SLC13A3: variants seen among roughly 807,000 people sequenced by gnomAD.
The protein encoded by SLC13A3 is Na(+)/dicarboxylate cotransporter 3.
A neutral mutation model predicts 59.0 loss-of-function variants in SLC13A3; 40 were observed. The ratio of observed to expected loss-of-function variants is 0.68; its 90% CI spans 0.53 to 0.88. SLC13A3 has a LOEUF of 0.88. Ranked by LOEUF, SLC13A3 falls within the 40% of genes least tolerant of loss-of-function variation. SLC13A3 has a pLI of 0.00. For synonymous variants in SLC13A3, 317 were observed against 330.3 expected, an observed-to-expected ratio of 0.96 and a Z score of 0.44; for missense variants, 699 against 783.2, an observed-to-expected ratio of 0.89 and a Z score of 1.28.
At chr20:46,603,364 T>A (rs1040087107) in intron 3 of SLC13A3, among the ~76,000 whole-genome samples, 1 of 152,008 alleles carries the variant, frequency 6.6e-6, no homozygotes, top group African/African-American at 2.4e-5. Flanking sequence ...AAACTTTTAT[T>A]TGGGGGACAT....
upstream of SLC13A3, among the ~76,000 whole-genome samples, chr20:46,655,168 ACC>A (rs2062975542): frequency 2.7e-5 from 4 of 150,582 alleles, no homozygotes; most frequent in South Asian, 8.4e-4. Context: ...TCCTTGGTTT[ACC>A]CTAGCAATAT....
intron 1 of SLC13A3, among the ~76,000 whole-genome samples, chr20:46,617,469 C>CA (rs925889277): frequency 1.6e-4 from 24 of 151,034 alleles, no homozygotes; most frequent in South Asian, 6.3e-4. Context: ...AAAAACCAAA[C>CA]AAAAAAAAAC....
intron 10 of SLC13A3, 117 bp from the exon 11 acceptor site, chr20:46,566,507 G>A: frequency 8.8e-7 from 1 of 1,141,246 alleles, no homozygotes; most frequent in Non-Finnish European, 1.2e-6. Flanking sequence ...TGGGGAGACT[G>A]AGGTGCAGAG....
rs77642674 is a variant in SLC13A3, at chr20:46,665,265, C to CA, written c.-31+4777dup. On this transcript the variant is annotated intron_variant, in intron 1 of 12. Coordinates refer to the SLC13A3 transcript ENST00000290317. ...TGGGCAATAGAATGAGACACTGTCT[C>CA]AAAAAAAAAAAAAAGTATGTGTAAT... Among the ~76,000 whole-genome samples the CA allele has an allele frequency of 0.016, 2,071 of 126,344 alleles. 92 individuals are homozygous for CA. The East Asian group carries it at 0.19, about 11-fold the overall frequency. The allele number at this position is 126,344 out of a possible 152,430, so 82.9% of individuals were successfully genotyped here. A position where few individuals can be genotyped will look rare whatever the true frequency, so the allele number is the denominator to read the frequency against.
At chr20:46,678,717 A>C (rs1001449679) in intron 1 of SLC13A3, among the ~76,000 whole-genome samples, 1 of 152,204 alleles carries the variant, frequency 6.6e-6, no homozygotes, top group Non-Finnish European at 1.5e-5. Context: ...TTGCTCTTGT[A>C]TCTTATTGGC....
intron 10 of SLC13A3, among the ~76,000 whole-genome samples, chr20:46,574,969 CA>C (rs1223634733): frequency 3.5e-4 from 50 of 143,884 alleles, no homozygotes; most frequent in East Asian, 8.0e-4. Context: ...CCCATCTCTA[CA>C]AAAAAAAAAT....
At chr20:46,566,474 T>G in intron 10 of SLC13A3, 84 bp from the exon 11 acceptor site, 2 of 1,463,060 alleles carry the variant, frequency 1.4e-6, no homozygotes, top group Non-Finnish European at 1.9e-6. Context: ...ATCACAACAA[T>G]GACGACCATA....
intron 1 of SLC13A3, among the ~76,000 whole-genome samples, chr20:46,641,195 G>A (rs980731947): frequency 2.6e-5 from 4 of 152,110 alleles, no homozygotes; most frequent in East Asian, 1.9e-4. Flanking sequence ...CAAACGTTAC[G>A]CAAACCAGGA....
chr20:46,572,986 C>G (rs965281369), intron 10 of SLC13A3, among the ~76,000 whole-genome samples: 40 of 152,118 alleles, frequency 2.6e-4, no homozygotes, highest in African/African-American at 9.7e-4. Flanking sequence ...GACATGAGTT[C>G]AAATCTTACC....
chr20:46,600,365 A>G (rs969560249), intron 3 of SLC13A3, among the ~76,000 whole-genome samples: 21 of 146,500 alleles, frequency 1.4e-4, no homozygotes, highest in Non-Finnish European at 9.1e-5. Flanking sequence ...GAAAGGAAAG[A>G]AAAGGAAGGG....
Position 46,635,554 on chromosome 20 carries a change from C to T in SLC13A3, c.111+15757G>A, listed in dbSNP as rs542185070. 2.6e-5 allele frequency among the ~76,000 whole-genome samples: 4 copies of T among 152,320 alleles called. No homozygotes were observed. The East Asian group carries it at 7.7e-4, about 29-fold the overall frequency. On this transcript the variant is annotated intron_variant, in intron 1 of 12. Transcript: ENST00000279027. ...GGACACCTTCCGGACTCTACAATTGCACTACTCTCATCCCCAACTCCCTCC... is the reference window on the plus strand; with the variant it reads ...GGACACCTTCCGGACTCTACAATTGTACTACTCTCATCCCCAACTCCCTCC...
upstream of SLC13A3, among the ~76,000 whole-genome samples, chr20:46,651,935 C>A (rs190372005): frequency 6.6e-6 from 1 of 152,218 alleles, no homozygotes; most frequent in South Asian, 2.1e-4. Context: ...ATGTTTTTTG[C>A]GGGAACATGG....
At chr20:46,620,395 G>A (rs997912135) in intron 1 of SLC13A3, among the ~76,000 whole-genome samples, 1 of 152,176 alleles carries the variant, frequency 6.6e-6, no homozygotes, top group Admixed American at 6.5e-5. Flanking sequence ...ATTATCACAT[G>A]TCTGAACAGA....
intron 1 of SLC13A3, among the ~76,000 whole-genome samples, chr20:46,634,452 G>A (rs2062775519): frequency 6.6e-6 from 1 of 152,090 alleles, no homozygotes; most frequent in Non-Finnish European, 1.5e-5. Flanking sequence ...GGCCATCTGT[G>A]TCCATCTGGG....
chr20:46,636,788 C>T (rs1384154859), intron 1 of SLC13A3, among the ~76,000 whole-genome samples: 1 of 146,800 alleles, frequency 6.8e-6, no homozygotes, highest in African/African-American at 2.6e-5. Flanking sequence ...TCTGGCCCAC[C>T]CTTGACATTT....
chr20:46,627,718 C>G (rs542470353), intron 1 of SLC13A3, among the ~76,000 whole-genome samples: 1 of 152,086 alleles, frequency 6.6e-6, no homozygotes, highest in South Asian at 2.1e-4. Context: ...AAGGATGGAC[C>G]CCTGCGGTAA....
At chr20:46,675,453 T>C (rs888127227) in intron 1 of SLC13A3, among the ~76,000 whole-genome samples, 1 of 145,826 alleles carries the variant, frequency 6.9e-6, no homozygotes, top group South Asian at 2.2e-4. Context: ...ACCGTGTTGC[T>C]CAGGCTGGTC....
chr20:46,612,010 G>A (rs1220177387), intron 2 of SLC13A3, among the ~76,000 whole-genome samples: 1 of 151,522 alleles, frequency 6.6e-6, no homozygotes, highest in East Asian at 1.9e-4. Flanking sequence ...AAGTTGAGGT[G>A]TATGAGCAGT....
chr20:46,657,157 C>T (rs924874765), intron 1 of SLC13A3, among the ~76,000 whole-genome samples: 1 of 151,840 alleles, frequency 6.6e-6, no homozygotes, highest in Non-Finnish European at 1.5e-5. Context: ...TGAAAAAAAA[C>T]TTTTATCATG....
Sources: allele counts gnomAD v4.1 joint callset (sites outside exome capture counted in the v4.1 genomes callset), GRCh38; gene constraint gnomAD v4.1.1; transcripts MANE v1.5; gene names NCBI Gene and HGNC (gene_info 2026-07-23, HGNC 2026-07-21).